AMELX: variants seen among roughly 807,000 people sequenced by gnomAD.
AMELX encodes amelogenin X-linked.
A neutral mutation model predicts 15.8 loss-of-function variants in AMELX; 9 were observed. The ratio of observed to expected loss-of-function variants is 0.57; its 90% CI spans 0.34 to 0.99. The LOEUF is 0.99. Among genes scored for constraint, AMELX ranks in the 50% least tolerant of loss-of-function variants. The pLI is 0.02. For synonymous variants in AMELX, 61 were observed against 58.8 expected (o/e 1.04, Z -0.17); for missense variants, 107 against 156.2 (o/e 0.68, Z 1.68).
chrX:11,295,724 T>C (rs1435510763), intron 2 of AMELX, among the ~76,000 whole-genome samples: 3 of 112,019 alleles, frequency 2.7e-5, no homozygotes, highest in African/African-American at 9.7e-5. Context: ...GCCTTACAAA[T>C]TCAGCCCTTT....
At chrX:11,301,424 CAT>C (rs938661063), downstream of AMELX, among the ~76,000 whole-genome samples, 2 of 111,666 alleles carry the variant, frequency 1.8e-5, no homozygotes, top group African/African-American at 6.5e-5. Context: ...CTTTCTCACT[CAT>C]ATTTATATTT....
chrX:11,304,777 CTTTTTTTTTTTTTTT>C (rs953912280), downstream of AMELX, among the ~76,000 whole-genome samples: 2 of 50,308 alleles, frequency 4.0e-5, no homozygotes, highest in Non-Finnish European at 7.4e-5. Flanking sequence ...CTTTCTTTTA[CTTTTTTTTTTTTTTT>C]TTTTTTTTTT....
intron 2 of AMELX, among the ~76,000 whole-genome samples, chrX:11,295,433 T>C (rs2048068164): frequency 9.0e-6 from 1 of 111,298 alleles, no homozygotes; most frequent in East Asian, 2.8e-4. Flanking sequence ...CTACACCCAA[T>C]ACATAGTGAT....
the AMELX span, among the ~76,000 whole-genome samples, chrX:11,308,214 T>A: frequency 8.1e-4 from 91 of 112,184 alleles, no homozygotes; most frequent in East Asian, 0.023. Flanking sequence ...TTAGGAAGGA[T>A]TCAAAGCAGC....
At chrX:11,298,320 A>G in intron 4 of AMELX, 43 bp downstream of exon 4, 3 of 1,166,948 alleles carry the variant, frequency 2.6e-6, no homozygotes, top group South Asian at 3.6e-5. Context: ...AATATTAGGC[A>G]TGCATTAAAA....
chrX:11,300,811 G>A, downstream of AMELX: 1 of 400,936 alleles, frequency 2.5e-6, no homozygotes. Context: ...CATTTGAGAT[G>A]ATATATTATG....
intron 5 of AMELX, 33 bp downstream of exon 5, chrX:11,299,006 T>A: frequency 1.7e-6 from 2 of 1,198,478 alleles, no homozygotes; most frequent in South Asian, 3.6e-5. Context: ...ACAATGCAAA[T>A]CCTGTGAAAA....
chrX:11,301,085 G>T (rs1184175534), downstream of AMELX, among the ~76,000 whole-genome samples: 3 of 111,802 alleles, frequency 2.7e-5, no homozygotes, highest in Non-Finnish European at 5.7e-5. Flanking sequence ...AACTTTTGAA[G>T]AATGTTTATA....
downstream of AMELX, among the ~76,000 whole-genome samples, chrX:11,304,824 G>A (rs1427770281): frequency 1.4e-5 from 1 of 70,616 alleles, no homozygotes; most frequent in Non-Finnish European, 2.4e-5. Flanking sequence ...GTCTCGCTCT[G>A]TCGCCAGGCT....
intron 3 of AMELX, chrX:11,298,011 A>G (rs2048113966): frequency 1.1e-6 from 1 of 923,307 alleles, no homozygotes; most frequent in South Asian, 2.0e-5. Context: ...AGCATATAAG[A>G]AAAGATGAAG....
intron 5 of AMELX, 51 bp from the exon 6 acceptor site, chrX:11,300,556 A>G (rs1488546731): frequency 2.8e-6 from 3 of 1,069,465 alleles, no homozygotes; most frequent in Admixed American, 4.4e-5. Context: ...AATGGTACTC[A>G]CTAGGAACAT....
At chrX:11,297,601 C>G (rs1169795302) in intron 3 of AMELX, among the ~76,000 whole-genome samples, 2 of 111,629 alleles carry the variant, frequency 1.8e-5, no homozygotes, top group Non-Finnish European at 3.8e-5. Context: ...ATATACTGTT[C>G]AGAAAGGAAT....
In AMELX at chrX:11,296,111, A is replaced by G. The variant is rs764805160; in HGVS notation, c.55-668A>G. ...CTAAACGTCATAAATCAACTCTTTC[A>G]TTTTCCATGGGATTTATAATGTTTC... On this transcript the variant is annotated intron_variant, in intron 2 of 5. Coordinates refer to ENST00000380714, the MANE Select transcript of AMELX (RefSeq NM_001142.2). Among the ~76,000 whole-genome samples, 12 of 112,020 alleles carry G rather than the reference A, an allele frequency of 1.1e-4. No homozygotes were observed. The East Asian group carries it at 2.8e-3, about 26-fold the overall frequency.
At chrX:11,308,572 C>A in the AMELX span, among the ~76,000 whole-genome samples, 4 of 111,404 alleles carry the variant, frequency 3.6e-5, no homozygotes, top group Middle Eastern at 4.6e-3. Context: ...AAAGGGCAAC[C>A]TATGCCCTTG....
intron 1 of AMELX, among the ~76,000 whole-genome samples, chrX:11,294,303 T>G (rs1175775730): frequency 8.9e-6 from 1 of 112,253 alleles, no homozygotes; most frequent in African/African-American, 3.2e-5. Flanking sequence ...TCTCAAATGA[T>G]TAGTCCTTGT....
downstream of AMELX, among the ~76,000 whole-genome samples, chrX:11,301,619 T>A (rs931088390): frequency 8.9e-6 from 1 of 111,946 alleles, no homozygotes; most frequent in African/African-American, 3.2e-5. Flanking sequence ...TAACTTGATT[T>A]TAAAGAATTT....
chrX:11,298,839 G>A lies in AMELX; in HGVS notation c.436G>A (p.Val146Met), dbSNP rs138249749. 3 of 1,210,447 alleles carry A rather than the reference G, an allele frequency of 2.5e-6. No individual in the cohort carries two copies. The highest frequency in any genetic ancestry group is 3.4e-6 in the Non-Finnish European group (3 of 895,088). Residue 146 changes from valine to methionine, a missense_variant, in exon 5 of 6, where the codon GTG (valine) becomes ATG (methionine). By Grantham distance (21) the Val-to-Met change is conservative. Transcript: ENST00000380714. Reference sequence around the variant, plus strand: ...CCAGCCCATGCAGCCCCAGCCACCTGTGCACCCCATGCAGCCCCTGCCGCC... The same window carrying A: ...CCAGCCCATGCAGCCCCAGCCACCTATGCACCCCATGCAGCCCCTGCCGCC... ...PHQPMQPQPP[V>M]HPMQPLPPQP...
chrX:11,306,072 C>G, the AMELX span, among the ~76,000 whole-genome samples: 1 of 111,575 alleles, frequency 9.0e-6, no homozygotes. Flanking sequence ...TGACCCTCAC[C>G]TCAATGCCAC....
downstream of AMELX, among the ~76,000 whole-genome samples, chrX:11,302,551 A>G (rs1318428663): frequency 9.0e-6 from 1 of 111,347 alleles, no homozygotes; most frequent in Non-Finnish European, 1.9e-5. Flanking sequence ...AGATATTTAC[A>G]TTCTTTTCTA....
Sources: allele counts gnomAD v4.1 joint callset (sites outside exome capture counted in the v4.1 genomes callset), GRCh38; gene constraint gnomAD v4.1.1; transcripts MANE v1.5; gene names NCBI Gene and HGNC (gene_info 2026-07-23, HGNC 2026-07-21).